Variants in PTPN1 observed in about 807,000 individuals in gnomAD.
PTPN1 encodes the protein tyrosine-protein phosphatase non-receptor type 1.
In PTPN1, 12 loss-of-function variants were observed where a neutral mutation model predicts 59.9. The ratio of observed to expected loss-of-function variants is 0.20; its 90% CI spans 0.13 to 0.32. The LOEUF is 0.32. PTPN1 is among the 10% of genes least tolerant of loss of function. PTPN1 has a pLI of 1.00. For missense variants in PTPN1, 356 were observed against 549.2 expected, an observed-to-expected ratio of 0.65 and a Z score of 3.52; for synonymous variants, 178 against 203.6, an observed-to-expected ratio of 0.87 and a Z score of 1.07.
chr20:50,540,914 C>T (rs2082649157), intron 1 of PTPN1, among the ~76,000 whole-genome samples: 1 of 152,150 alleles, frequency 6.6e-6, no homozygotes, highest in African/African-American at 2.4e-5. Flanking sequence ...CTCTATCTGG[C>T]TTGTTTCAGG....
At chr20:50,522,640 T>C (rs1348683341) in intron 1 of PTPN1, among the ~76,000 whole-genome samples, 8 of 152,242 alleles carry the variant, frequency 5.3e-5, no homozygotes, top group Non-Finnish European at 1.0e-4. Flanking sequence ...AGAGGTATGT[T>C]GTGTATGGCA....
At chr20:50,553,197 T>C (rs1014396793) in intron 1 of PTPN1, among the ~76,000 whole-genome samples, 2 of 152,200 alleles carry the variant, frequency 1.3e-5, no homozygotes, top group Non-Finnish European at 2.9e-5. Context: ...CACTCTGATA[T>C]CTAATTTTTG....
At chr20:50,512,533 T>G (rs930026075) in intron 1 of PTPN1, among the ~76,000 whole-genome samples, 3 of 152,234 alleles carry the variant, frequency 2.0e-5, no homozygotes, top group Non-Finnish European at 4.4e-5. Flanking sequence ...CTGCCACAAT[T>G]AAACCCCACA....
rs1242180308 is a variant in PTPN1 at position 50,568,503 on chromosome 20, G to A, written c.354+25G>A. ...GGTAAGTCTCGGCTTCATTTGCTGT[G>A]TATGTGATCATGCATACCACTCCAT... On this transcript the variant is annotated intron_variant, in intron 4 of 9. Coordinates refer to ENST00000371621, the MANE Select transcript of PTPN1 (RefSeq NM_002827.4). This position sits in a 1 kb window ranked among gnomAD's most constrained non-coding sequence, Gnocchi z 5.6. 8 of 1,578,280 alleles carry A rather than the reference G, an allele frequency of 5.1e-6. No homozygotes were observed. Among genetic ancestry groups the A allele is most frequent in the South Asian group, 1.1e-5 (1 of 90,300 alleles).
In PTPN1 at chr20:50,545,599, G is replaced by A. The variant is rs1447983190; in HGVS notation, c.64-15764G>A. ...TGATGCACGTGGTTTTACGTGTACA[G>A]CCTGGTACCATTGTTCTTAGGCACA... is the stretch of plus-strand genomic sequence containing the variant. On this transcript the variant is annotated intron_variant, in intron 1 of 9. Transcript: ENST00000371621. Among the ~76,000 whole-genome samples, 3 of 152,198 alleles carry A rather than the reference G, an allele frequency of 2.0e-5. No homozygotes were observed. The East Asian group carries it at 5.8e-4, about 29-fold the overall frequency.
chr20:50,543,515 A>G (rs2082661501), intron 1 of PTPN1, among the ~76,000 whole-genome samples: 1 of 152,184 alleles, frequency 6.6e-6, no homozygotes, highest in African/African-American at 2.4e-5. Flanking sequence ...TTTTGTTACT[A>G]TTTGAATTTC....
At chr20:50,513,715 C>T (rs2122715313) in intron 1 of PTPN1, among the ~76,000 whole-genome samples, 1 of 152,274 alleles carries the variant, frequency 6.6e-6, no homozygotes, top group Non-Finnish European at 1.5e-5. Flanking sequence ...AGGTTAAAAC[C>T]ATGTTGTAAC....
At chr20:50,527,256 T>C (rs1042801916) in intron 1 of PTPN1, among the ~76,000 whole-genome samples, 1 of 152,164 alleles carries the variant, frequency 6.6e-6, no homozygotes, top group East Asian at 1.9e-4. Flanking sequence ...TTGAAGTAAA[T>C]AGGTCACTCT....
At chr20:50,574,448 C>G in intron 4 of PTPN1, 69 bp from the exon 5 acceptor site, 2 of 1,452,390 alleles carry the variant, frequency 1.4e-6, no homozygotes, top group South Asian at 1.4e-5. Flanking sequence ...GTGGGATGTG[C>G]TCCAAGCCTC....
At chr20:50,517,335 A>G (rs547846298) in intron 1 of PTPN1, among the ~76,000 whole-genome samples, 2 of 152,200 alleles carry the variant, frequency 1.3e-5, no homozygotes, top group South Asian at 4.1e-4. Context: ...GCTCACTGCA[A>G]CCTCCACCTC....
chr20:50,550,503 TAAATA>T (rs2082697663), intron 1 of PTPN1, among the ~76,000 whole-genome samples: 1 of 152,234 alleles, frequency 6.6e-6, no homozygotes. Flanking sequence ...CAACTGCAAA[TAAATA>T]AAATAAATGT....
At chr20:50,517,358 G>C (rs908818877) in intron 1 of PTPN1, among the ~76,000 whole-genome samples, 1 of 152,134 alleles carries the variant, frequency 6.6e-6, no homozygotes, top group African/African-American at 2.4e-5. Context: ...GGGCTCAAGT[G>C]ATCCTCCCAC....
chr20:50,535,796 T>C (rs1455503820), intron 1 of PTPN1, among the ~76,000 whole-genome samples: 1 of 152,224 alleles, frequency 6.6e-6, no homozygotes, highest in African/African-American at 2.4e-5. Context: ...CAGTACCTAA[T>C]GTTCAGTCAC....
Position 50,510,407 on chromosome 20 carries a change from C to A in PTPN1, c.-121C>A, listed in dbSNP as rs1021087270. Reference sequence around the variant, plus strand: ...CATGAAGAAGCAGCAGCGGCTAGGGCGGCGGTAGCTGCAGGGGTCGGGGAT... The same window carrying A: ...CATGAAGAAGCAGCAGCGGCTAGGGAGGCGGTAGCTGCAGGGGTCGGGGAT... On this transcript the variant is annotated 5_prime_UTR_variant, in exon 1 of 10. Coordinates refer to ENST00000371621, the MANE Select transcript of PTPN1 (RefSeq NM_002827.4). 5.7e-6 allele frequency: 6 copies of A among 1,055,868 alleles called. No homozygotes were observed. Among genetic ancestry groups the A allele is most frequent in the African/African-American group, 3.3e-5 (2 of 59,872 alleles). 65.4% of individuals were successfully genotyped at this position (1,055,868 alleles called of 1,614,324 possible).
chr20:50,517,211 A>G (rs1230634016), intron 1 of PTPN1, among the ~76,000 whole-genome samples: 1 of 152,218 alleles, frequency 6.6e-6, no homozygotes, highest in African/African-American at 2.4e-5. Flanking sequence ...AAATAAAATA[A>G]TACCAAGTAC....
intron 1 of PTPN1, among the ~76,000 whole-genome samples, chr20:50,552,438 G>A (rs993080246): frequency 2.6e-5 from 4 of 152,142 alleles, no homozygotes; most frequent in Non-Finnish European, 4.4e-5. Context: ...TTGCTGCATT[G>A]TTACCTTAGT....
intron 1 of PTPN1, among the ~76,000 whole-genome samples, chr20:50,536,450 G>C (rs1368687799): frequency 2.0e-5 from 3 of 152,188 alleles, no homozygotes; most frequent in Admixed American, 6.5e-5. Flanking sequence ...TGCTGGGAAA[G>C]AAAAATAAAA....
At chr20:50,578,831 G>C (rs1352558029) in intron 6 of PTPN1, among the ~76,000 whole-genome samples, 1 of 152,232 alleles carries the variant, frequency 6.6e-6, no homozygotes, top group Non-Finnish European at 1.5e-5. Context: ...CGGTTCTGCA[G>C]GCTGTACAAG....
At chr20:50,573,935 A>G (rs1282905825) in intron 4 of PTPN1, 2 of 152,258 alleles carry the variant, frequency 1.3e-5, no homozygotes, top group South Asian at 2.1e-4. Flanking sequence ...TAGAACATCA[A>G]AAGTATTTTT....
Sources: gnomAD v4.1 joint callset for allele counts (sites outside exome capture counted in the v4.1 genomes callset) on GRCh38, gnomAD v4.1.1 for gene constraint, Gnocchi (gnomAD v3.1) non-coding constraint, MANE v1.5 for transcripts, NCBI Gene and HGNC (gene_info 2026-07-23, HGNC 2026-07-21) for gene names.